PTPRM: variants seen among roughly 807,000 people sequenced by gnomAD.
PTPRM encodes protein tyrosine phosphatase receptor type M, also known as receptor-type tyrosine-protein phosphatase mu.
Under a neutral mutation model 186.7 loss-of-function variants are expected in PTPRM, and 47 were observed. That is an observed-to-expected ratio of 0.25 (90% CI 0.20 to 0.32). The LOEUF is 0.32. Ranked by LOEUF, PTPRM falls within the 10% of genes least tolerant of loss-of-function variation. The probability of loss-of-function intolerance (pLI) is 1.00; values close to 1 mark genes in which losing one functional copy is unlikely to be tolerated. For synonymous variants in PTPRM, 668 were observed against 674.9 expected (o/e 0.99, Z 0.16); for missense variants, 1,494 against 1,865.0 (o/e 0.80, Z 3.66).
chr18:7,644,963 C>T (rs1481735975), intron 1 of PTPRM, among the ~76,000 whole-genome samples: 3 of 152,144 alleles, frequency 2.0e-5, no homozygotes, highest in Non-Finnish European at 4.4e-5. Flanking sequence ...ACCTTCTGTG[C>T]TAATGCTTAC....
chr18:8,243,958 A>G (rs1023080432), intron 14 of PTPRM, 100 bp from the exon 15 acceptor site: 2 of 1,156,272 alleles, frequency 1.7e-6, no homozygotes, highest in African/African-American at 1.6e-5. Context: ...GAATAGGATT[A>G]ATTCAGTAGA....
intron 1 of PTPRM, among the ~76,000 whole-genome samples, chr18:7,666,324 T>C (rs1202250539): frequency 6.6e-6 from 1 of 152,104 alleles, no homozygotes; most frequent in Non-Finnish European, 1.5e-5. Context: ...AGGGGGAGAT[T>C]GAAATGCAAA....
intron 1 of PTPRM, among the ~76,000 whole-genome samples, chr18:7,610,210 T>A (rs993704477): frequency 6.6e-5 from 10 of 151,270 alleles, no homozygotes; most frequent in Non-Finnish European, 1.3e-4. Flanking sequence ...GAACAACTTA[T>A]TTGATAGGAA....
At chr18:8,094,449 G>A (rs991798071) in intron 11 of PTPRM, among the ~76,000 whole-genome samples, 6 of 151,820 alleles carry the variant, frequency 4.0e-5, no homozygotes, top group African/African-American at 1.2e-4. Context: ...AATCAATATA[G>A]GGGCTAGACA....
chr18:7,642,770 C>T (rs1214489058), intron 1 of PTPRM, among the ~76,000 whole-genome samples: 1 of 149,042 alleles, frequency 6.7e-6, no homozygotes, highest in Non-Finnish European at 1.5e-5. Context: ...ACCCTTCTGG[C>T]TTAATTACCT....
At chr18:8,025,860 A>G (rs1385606484) in intron 7 of PTPRM, among the ~76,000 whole-genome samples, 9 of 152,196 alleles carry the variant, frequency 5.9e-5, no homozygotes, top group African/African-American at 1.9e-4. Context: ...TCTATCATGA[A>G]GCCCTTTCTG....
At chr18:7,641,297 T>C (rs1325712033) in intron 1 of PTPRM, among the ~76,000 whole-genome samples, 1 of 152,192 alleles carries the variant, frequency 6.6e-6, no homozygotes, top group African/African-American at 2.4e-5. Context: ...CTGTTTAAAC[T>C]TTACATTTGA....
chr18:7,994,880 C>T (rs115727954), intron 7 of PTPRM, among the ~76,000 whole-genome samples: 5 of 151,688 alleles, frequency 3.3e-5, no homozygotes, highest in Non-Finnish European at 7.4e-5. Flanking sequence ...AGAAAGATTT[C>T]AAATAATCTA....
chr18:8,117,447 A>T (rs1293661393), intron 13 of PTPRM, among the ~76,000 whole-genome samples: 1 of 152,250 alleles, frequency 6.6e-6, no homozygotes, highest in Non-Finnish European at 1.5e-5. Flanking sequence ...GTTTTCACTA[A>T]GAGCTAGCTT....
chr18:7,613,258 C>A (rs1334508262), intron 1 of PTPRM, among the ~76,000 whole-genome samples: 1 of 152,130 alleles, frequency 6.6e-6, no homozygotes, highest in Admixed American at 6.5e-5. Context: ...AAAAACTCCC[C>A]CAGTCATTCT....
At chr18:8,243,997 A>G (rs1374072788) in intron 14 of PTPRM, 61 bp from the exon 15 acceptor site, 1 of 1,479,646 alleles carries the variant, frequency 6.8e-7, no homozygotes, top group Non-Finnish European at 9.3e-7. Context: ...GTCAATATAC[A>G]TGCCAAAGCT....
intron 7 of PTPRM, among the ~76,000 whole-genome samples, chr18:8,042,778 G>A (rs969155939): frequency 2.6e-5 from 4 of 152,090 alleles, no homozygotes; most frequent in Non-Finnish European, 5.9e-5. Flanking sequence ...AGCTTTTTGG[G>A]TGTCTTTTTC....
intron 14 of PTPRM, among the ~76,000 whole-genome samples, chr18:8,171,489 A>G (rs2093400236): frequency 6.6e-6 from 1 of 152,140 alleles, no homozygotes; most frequent in South Asian, 2.1e-4. Flanking sequence ...AACAGCTTGG[A>G]CCTCTGTGAG....
intron 2 of PTPRM, among the ~76,000 whole-genome samples, chr18:7,826,984 C>T (rs932234888): frequency 2.0e-5 from 3 of 152,074 alleles, no homozygotes; most frequent in African/African-American, 7.2e-5. Flanking sequence ...CACCTATAAT[C>T]CCAGGTACTT....
chr18:8,085,624 GA>G lies in PTPRM; in HGVS notation c.1552-46del, dbSNP rs750248698. ...GGTTTATTGGATAAAGATGCAATCT[GA>G]GTCCATCTGCTCCAGATATTTTATC... On this transcript the variant is annotated intron_variant, in intron 9 of 32. Transcript: ENST00000580170. The G allele has an allele frequency of 1.4e-4, 215 of 1,483,574 alleles. 1 individual carries two copies. The Middle Eastern group carries it at 2.1e-3, about 15-fold the overall frequency. The allele number at this position is 1,483,574 out of a possible 1,614,324, so 91.9% of individuals were successfully genotyped here. A position where few individuals can be genotyped will look rare whatever the true frequency, so the allele number is the denominator to read the frequency against.
At chr18:7,918,887 T>G (rs2050707541) in intron 4 of PTPRM, among the ~76,000 whole-genome samples, 1 of 152,208 alleles carries the variant, frequency 6.6e-6, no homozygotes, top group Admixed American at 6.5e-5. Flanking sequence ...TCTGGAATGT[T>G]TCACCAGTGT....
At chr18:7,825,497 G>T (rs2145657608) in intron 2 of PTPRM, among the ~76,000 whole-genome samples, 1 of 152,288 alleles carries the variant, frequency 6.6e-6, no homozygotes, top group African/African-American at 2.4e-5. Flanking sequence ...ATATAGCCAG[G>T]TGTTTGTGAG....
intron 2 of PTPRM, among the ~76,000 whole-genome samples, chr18:7,861,122 C>G (rs1423288677): frequency 6.6e-6 from 1 of 152,160 alleles, no homozygotes; most frequent in East Asian, 1.9e-4. Context: ...TCCATGTCCT[C>G]TTCATTTTTG....
intron 1 of PTPRM, among the ~76,000 whole-genome samples, chr18:7,579,492 G>A (rs2036787286): frequency 6.6e-6 from 1 of 152,166 alleles, no homozygotes; most frequent in Non-Finnish European, 1.5e-5. Flanking sequence ...TGGCCAGAGA[G>A]CATTTCTTTT....
Sources: allele counts gnomAD v4.1 joint callset (sites outside exome capture counted in the v4.1 genomes callset), GRCh38; gene constraint gnomAD v4.1.1; transcripts MANE v1.5; gene names NCBI Gene and HGNC (gene_info 2026-07-23, HGNC 2026-07-21).